The following NR3C1 variants were observed in gnomAD, a reference collection of about 807,000 sequenced individuals.
NR3C1 encodes glucocorticoid receptor.
A neutral mutation model predicts 74.0 loss-of-function variants in NR3C1; 14 were observed. The observed-to-expected ratio is 0.19, with a 90% CI of 0.12 to 0.30. NR3C1 has a LOEUF of 0.30. NR3C1 is among the 10% of genes least tolerant of loss of function. NR3C1 has a pLI of 1.00. For synonymous variants in NR3C1, 308 were observed against 332.5 expected (o/e 0.93, Z 0.80); for missense variants, 695 against 909.8 (o/e 0.76, Z 3.04).
Position 143,336,231 on chromosome 5 carries a change from ATC to A in NR3C1, c.1185-22065_1185-22064del, listed in dbSNP as rs1172432492. 1.6e-4 allele frequency among the ~76,000 whole-genome samples: 24 copies of A among 152,366 alleles called. No individual in the cohort carries two copies. The South Asian group carries it at 3.9e-3, about 25-fold the overall frequency. On this transcript the variant is annotated intron_variant, in intron 2 of 8. Transcript: ENST00000394464. ...TTCACATGATAATTCCTTTAGCCAT[ATC>A]TCTGTTTGAAGTGTATGTGAGCTTG...
Position 143,388,940 on chromosome 5 carries a change from T to C in NR3C1, c.1184+10716A>G, listed in dbSNP as rs190350569. 2.0e-5 allele frequency among the ~76,000 whole-genome samples: 3 copies of C among 152,352 alleles called. No homozygotes were observed. The East Asian group carries it at 5.8e-4, about 29-fold the overall frequency. ...TCCATTAGTTGCTGAAGTCTCCTGTTGGCTCATTCCTATGTACTCAGTCCT... is the reference window on the plus strand; with the variant it reads ...TCCATTAGTTGCTGAAGTCTCCTGTCGGCTCATTCCTATGTACTCAGTCCT... On this transcript the variant is annotated intron_variant, in intron 2 of 8. Coordinates refer to ENST00000394464, the MANE Select transcript of NR3C1 (RefSeq NM_000176.3).
At chr5:143,312,246 T>C (rs1561538517) in intron 3 of NR3C1, among the ~76,000 whole-genome samples, 1 of 152,164 alleles carries the variant, frequency 6.6e-6, no homozygotes, top group Non-Finnish European at 1.5e-5. Flanking sequence ...TGCAGTCCCT[T>C]TCCGTCCTTT....
At chr5:143,337,862 T>C (rs993911812) in intron 2 of NR3C1, among the ~76,000 whole-genome samples, 1 of 152,116 alleles carries the variant, frequency 6.6e-6, no homozygotes, top group Admixed American at 6.6e-5. Flanking sequence ...AAAACAACGA[T>C]CACATTTGTC....
rs118128491 is a variant in NR3C1 at position 143,357,217 on chromosome 5, G to A, written c.1184+42439C>T. ...AGTTTGTCAACATGGTAAATAGCTT[G>A]AAAAAAGATTATGCACAAAGAAAAT... On this transcript the variant is annotated intron_variant, in intron 2 of 8. Transcript: ENST00000394464. Among the ~76,000 whole-genome samples, 155 of 152,038 alleles carry A rather than the reference G, an allele frequency of 1.0e-3. 3 individuals carry two copies. The East Asian group carries it at 0.022, about 22-fold the overall frequency.
rs775464068 is a variant in NR3C1, at chr5:143,400,246, C to T, written c.594G>A (p.Glu198=). The change falls in exon 2 of 9, where the codon GAG becomes GAA. Residue 198 remains glutamate, a synonymous_variant. Transcript: ENST00000394464. Reference sequence around the variant, plus strand: ...CTTTACCTGGGGACCCAGAAGAAAACTCCAAATCCTGCAAAATGTCAAAGG... The same window carrying T: ...CTTTACCTGGGGACCCAGAAGAAAATTCCAAATCCTGCAAAATGTCAAAGG... ...QSTFDILQDL[E]FSSGSPGKET... 4 of 1,597,678 alleles carry T rather than the reference C, an allele frequency of 2.5e-6. No individual in the cohort carries two copies. The highest frequency in any genetic ancestry group is 3.4e-6 in the Non-Finnish European group (4 of 1,173,230).
chr5:143,368,881 C>G (rs1175811005), intron 2 of NR3C1, among the ~76,000 whole-genome samples: 1 of 152,138 alleles, frequency 6.6e-6, no homozygotes, highest in African/African-American at 2.4e-5. Context: ...TGAAGAACTT[C>G]TTGCTGCTGG....
intron 2 of NR3C1, among the ~76,000 whole-genome samples, chr5:143,366,843 G>A (rs1251102092): frequency 6.6e-6 from 1 of 152,054 alleles, no homozygotes; most frequent in Admixed American, 6.5e-5. Context: ...ACCCCAGATG[G>A]CTTCACTAGT....
intron 2 of NR3C1, among the ~76,000 whole-genome samples, chr5:143,360,725 C>T (rs1832074582): frequency 6.6e-6 from 1 of 152,152 alleles, no homozygotes; most frequent in Non-Finnish European, 1.5e-5. Context: ...GCATTAAGGA[C>T]ACTGTTCCAC....
intron 2 of NR3C1, among the ~76,000 whole-genome samples, chr5:143,333,506 A>C (rs1400431447): frequency 6.6e-6 from 1 of 151,992 alleles, no homozygotes; most frequent in African/African-American, 2.4e-5. Context: ...GCGGTGGCTC[A>C]CGCCTGTAAT....
chr5:143,409,961 C>G (rs1841238774), intron 1 of NR3C1, among the ~76,000 whole-genome samples: 1 of 152,140 alleles, frequency 6.6e-6, no homozygotes, highest in South Asian at 2.1e-4. Flanking sequence ...TGACTTTATT[C>G]TTTATGCTGG....
intron 2 of NR3C1, among the ~76,000 whole-genome samples, chr5:143,383,976 CT>C (rs982542693): frequency 3.9e-5 from 6 of 152,270 alleles, no homozygotes; most frequent in Admixed American, 1.3e-4. Context: ...CTACCTGTGT[CT>C]GGATAATTTA....
chr5:143,413,489 G>A (rs917079857), intron 1 of NR3C1, among the ~76,000 whole-genome samples: 1 of 152,094 alleles, frequency 6.6e-6, no homozygotes, highest in Non-Finnish European at 1.5e-5. Flanking sequence ...AGGCATGACT[G>A]GATTCAGGGG....
intron 1 of NR3C1, 131 bp downstream of exon 1, chr5:143,403,080 G>GCCCCCCAC: frequency 4.1e-5 from 31 of 764,872 alleles, no homozygotes; most frequent in South Asian, 5.9e-5. Context: ...GCCCTTGCCA[G>GCCCCCCAC]CCCCCCACCC....
intron 7 of NR3C1, among the ~76,000 whole-genome samples, chr5:143,293,143 C>G (rs2151520927): frequency 6.6e-6 from 1 of 152,238 alleles, no homozygotes; most frequent in East Asian, 1.9e-4. Context: ...GCCCATCAAT[C>G]AACGAGTGGA....
chr5:143,409,495 C>T (rs1275528708), intron 1 of NR3C1, among the ~76,000 whole-genome samples: 2 of 152,140 alleles, frequency 1.3e-5, no homozygotes, highest in African/African-American at 4.8e-5. Flanking sequence ...ACATGTTAAG[C>T]CCACACAAAC....
chr5:143,404,299 G>A, upstream of NR3C1: 1 of 985,606 alleles, frequency 1.0e-6, no homozygotes, highest in Non-Finnish European at 1.2e-6. Context: ...GGCCGCGCTC[G>A]GGGCCGGGCG....
chr5:143,433,474 A>AAATTATATATATATATTATTT (rs1751969622), intron 1 of NR3C1, among the ~76,000 whole-genome samples: 1 of 21,278 alleles, frequency 4.7e-5, no homozygotes, highest in Non-Finnish European at 1.4e-4. Flanking sequence ...ATATATATTT[A>AAATTATATATATATATTATTT]ATTTCATCTT....
intron 1 of NR3C1, among the ~76,000 whole-genome samples, chr5:143,427,326 A>G (rs1005700368): frequency 6.6e-6 from 1 of 152,102 alleles, no homozygotes; most frequent in Admixed American, 6.6e-5. Context: ...GTATGTGGGA[A>G]TGATTAGTCA....
chr5:143,335,672 T>A (rs1460469638), intron 2 of NR3C1, among the ~76,000 whole-genome samples: 1 of 152,224 alleles, frequency 6.6e-6, no homozygotes, highest in African/African-American at 2.4e-5. Flanking sequence ...GTACTATTCA[T>A]CTGTATACTT....
Sources: allele counts gnomAD v4.1 joint callset (sites outside exome capture counted in the v4.1 genomes callset), GRCh38; gene constraint gnomAD v4.1.1; transcripts MANE v1.5; gene names NCBI Gene and HGNC (gene_info 2026-07-23, HGNC 2026-07-21).